Variants in SNX8 observed in about 807,000 individuals in gnomAD.
SNX8 encodes the protein sorting nexin 8, also known as sorting nexin-8.
In SNX8, 25 loss-of-function variants were observed where a neutral mutation model predicts 51.6. That is an observed-to-expected ratio of 0.48 (90% CI 0.35 to 0.68). The LOEUF is 0.68. SNX8 is among the 30% of genes least tolerant of loss of function. SNX8 has a pLI of 0.00. For synonymous variants in SNX8, 324 were observed against 277.0 expected (o/e 1.17, Z -1.68); for missense variants, 695 against 624.0 (o/e 1.11, Z -1.21).
chr7:2,335,712 C>G (rs925570257), intron 1 of SNX8, among the ~76,000 whole-genome samples: 5 of 142,936 alleles, frequency 3.5e-5, no homozygotes, highest in African/African-American at 1.3e-4. Context: ...CTGAGGCAGG[C>G]GAATGGCGTG....
intron 1 of SNX8, among the ~76,000 whole-genome samples, chr7:2,280,334 T>C (rs2115141880): frequency 6.6e-6 from 1 of 152,256 alleles, no homozygotes; most frequent in South Asian, 2.1e-4. Context: ...TTTTTTTGTT[T>C]TTTACATGTT....
rs148893798 is a variant in SNX8, at chr7:2,259,381, C to T, written c.916-1578G>A. Among the ~76,000 whole-genome samples, 84 of 152,350 alleles carry T rather than the reference C, an allele frequency of 5.5e-4. 1 individual carries two copies. The highest frequency in any genetic ancestry group is 1.6e-3 in the Admixed American group (25 of 15,308). The stretch of plus-strand genomic sequence containing the variant: ...CTGAGCACCTCGGGGAGACCAAGCT[C>T]CCTCCACGATTCCTCGGGCTCCACC... On this transcript the variant is annotated intron_variant, in intron 7 of 10. Coordinates refer to ENST00000222990, the MANE Select transcript of SNX8 (RefSeq NM_013321.4).
At chr7:2,344,182 A>C (rs1778981896) in intron 1 of SNX8, among the ~76,000 whole-genome samples, 1 of 151,954 alleles carries the variant, frequency 6.6e-6, no homozygotes, top group Non-Finnish European at 1.5e-5. Flanking sequence ...TGGGCGACAG[A>C]GCAAGACTCA....
chr7:2,264,495 C>A lies in SNX8; in HGVS notation c.622-37G>T, dbSNP rs77150155. The A allele has an allele frequency of 2.5e-6, 4 of 1,583,842 alleles. No homozygotes were observed. In the South Asian group the frequency reaches 3.3e-5, roughly 13 times the overall value. ...ATGGGGGGAGAGACACTGTGTTAGT[C>A]GCTGGGGAGCACCTGTCAGACGGCA... On this transcript the variant is annotated intron_variant, in intron 5 of 10. Transcript: ENST00000222990.
At position 2,276,729 on chromosome 7, in the gene SNX8, G is replaced by T. The variant is rs148408743; in HGVS notation, c.300+1371C>A. ...GGAAACCAAGGCAGGAGGACCACTT[G>T]AGCCCAGGAGCTCAAGACCAGCCTG... On this transcript the variant is annotated intron_variant, in intron 2 of 10. Coordinates refer to ENST00000222990, the MANE Select transcript of SNX8 (RefSeq NM_013321.4). Among the ~76,000 whole-genome samples the T allele has an allele frequency of 5.9e-4, 89 of 151,942 alleles. 1 individual carries two copies. The highest frequency in any genetic ancestry group is 2.0e-3 in the African/African-American group (85 of 41,472).
At chr7:2,299,276 C>A (rs916280905) in intron 1 of SNX8, 3 of 151,808 alleles carry the variant, frequency 2.0e-5, no homozygotes, top group African/African-American at 7.3e-5. Context: ...GAGACCAGAC[C>A]ACAAAGGGGA....
chr7:2,271,996 G>A, intron 3 of SNX8, 25 bp from the exon 4 acceptor site: 3 of 1,613,058 alleles, frequency 1.9e-6, no homozygotes, highest in Non-Finnish European at 2.5e-6. Flanking sequence ...GGGGTCACTG[G>A]ACAGAGTCCA....
intron 1 of SNX8, among the ~76,000 whole-genome samples, chr7:2,341,893 A>C (rs1778934733): frequency 6.6e-6 from 1 of 152,010 alleles, no homozygotes; most frequent in South Asian, 2.1e-4. Flanking sequence ...GAATCACTTG[A>C]ACCCAGGAGT....
Position 2,303,866 on chromosome 7 carries a change from G to T in SNX8, c.94+10462C>A, listed in dbSNP as rs970476606. Among the ~76,000 whole-genome samples, 9 of 151,874 alleles carry T rather than the reference G, an allele frequency of 5.9e-5. No homozygotes were observed. The East Asian group carries it at 7.7e-4, about 13-fold the overall frequency. On this transcript the variant is annotated intron_variant, in intron 1 of 10. Transcript: ENST00000222990. ...AGGAAAACCAGAGACCTTTGTTCAC[G>T]TGTTTATCTGCCGACCTTCCCTCCA...
At chr7:2,262,496 G>C (rs62442514) in intron 7 of SNX8, among the ~76,000 whole-genome samples, 23,582 of 152,098 alleles carry the variant, frequency 0.16, 2,102 homozygotes, top group Middle Eastern at 0.27. Flanking sequence ...CTGAGGTTGT[G>C]TGTGGAGCGG....
chr7:2,352,494 T>C (rs1057070319), intron 1 of SNX8, among the ~76,000 whole-genome samples: 1 of 152,156 alleles, frequency 6.6e-6, no homozygotes, highest in Non-Finnish European at 1.5e-5. Context: ...TATTAGTTAT[T>C]GCTGTTAATC....
At chr7:2,289,261 C>T (rs771887743) in intron 1 of SNX8, among the ~76,000 whole-genome samples, 1 of 152,120 alleles carries the variant, frequency 6.6e-6, no homozygotes, top group African/African-American at 2.4e-5. Context: ...GGTGCTGTTA[C>T]GAACATTCCA....
intron 1 of SNX8, among the ~76,000 whole-genome samples, chr7:2,300,121 C>T (rs537781227): frequency 2.0e-5 from 3 of 152,156 alleles, no homozygotes; most frequent in African/African-American, 7.2e-5. Context: ...TTTTCCCCCA[C>T]GGCTAAATTT....
intron 10 of SNX8, 44 bp from the exon 11 acceptor site, chr7:2,255,213 G>C: frequency 3.9e-6 from 5 of 1,283,450 alleles, no homozygotes; most frequent in African/African-American, 3.0e-5. Context: ...GCGGGGCCGG[G>C]GCTCCTCCTC....
chr7:2,276,734 C>T (rs2115133408), intron 2 of SNX8, among the ~76,000 whole-genome samples: 1 of 152,022 alleles, frequency 6.6e-6, no homozygotes, highest in Non-Finnish European at 1.5e-5. Context: ...CACTTGAGCC[C>T]AGGAGCTCAA....
At chr7:2,315,302 C>T (rs554527456), upstream of SNX8, among the ~76,000 whole-genome samples, 4 of 150,728 alleles carry the variant, frequency 2.7e-5, no homozygotes, top group African/African-American at 9.7e-5. Context: ...TCACTGCATC[C>T]TGCATTCATT....
chr7:2,351,571 G>C (rs924155846), intron 1 of SNX8, among the ~76,000 whole-genome samples: 3 of 150,868 alleles, frequency 2.0e-5, no homozygotes, highest in African/African-American at 4.9e-5. Context: ...AGTGGCTCAC[G>C]CCTGTAATCC....
rs1312757410 is a variant in SNX8, at chr7:2,255,188, GAA to G, written c.1285-21_1285-20del. The G allele has an allele frequency of 6.8e-7, 1 of 1,471,782 alleles. No individual in the cohort carries two copies. Among genetic ancestry groups the G allele is most frequent in the Non-Finnish European group, 9.2e-7 (1 of 1,087,520 alleles). 91.2% of individuals were successfully genotyped at this position (1,471,782 alleles called of 1,614,324 possible). A position where few individuals can be genotyped will look rare whatever the true frequency, so the allele number is the denominator to read the frequency against. On this transcript the variant is annotated intron_variant, in intron 10 of 10. Coordinates refer to ENST00000222990, the MANE Select transcript of SNX8 (RefSeq NM_013321.4). ...TGCTCATCTGAAAGGGAAGCGAAGAGAACAAGATCAGCAGGCGGGGCCGGGGC... is the reference window on the plus strand; with the variant it reads ...TGCTCATCTGAAAGGGAAGCGAAGAGCAAGATCAGCAGGCGGGGCCGGGGC...
At chr7:2,269,936 C>T (rs1356459983) in intron 4 of SNX8, among the ~76,000 whole-genome samples, 1 of 152,140 alleles carries the variant, frequency 6.6e-6, no homozygotes, top group East Asian at 1.9e-4. Flanking sequence ...CCACTCCATC[C>T]ACAGACCAGG....
Sources: gnomAD v4.1 joint callset for allele counts (sites outside exome capture counted in the v4.1 genomes callset) on GRCh38, gnomAD v4.1.1 for gene constraint, MANE v1.5 for transcripts, NCBI Gene and HGNC (gene_info 2026-07-23, HGNC 2026-07-21) for gene names.